Variants in IGSF9B observed in about 807,000 individuals in gnomAD.
IGSF9B encodes immunoglobulin superfamily member 9B.
A neutral mutation model predicts 143.7 loss-of-function variants in IGSF9B; 48 were observed. The ratio of observed to expected loss-of-function variants is 0.33; its 90% CI spans 0.26 to 0.42. The LOEUF is 0.42. Ranked by LOEUF, IGSF9B falls within the 20% of genes least tolerant of loss-of-function variation. IGSF9B has a pLI of 1.00. For missense variants in IGSF9B, 1,706 were observed against 1,980.0 expected, an observed-to-expected ratio of 0.86 and a Z score of 2.63; for synonymous variants, 903 against 833.1, an observed-to-expected ratio of 1.08 and a Z score of -1.44.
chr11:133,902,104 GCACA>G lies in IGSF9B; in HGVS notation c.*6961_*6964del, dbSNP rs745922626. Among the ~76,000 whole-genome samples, 3 of 119,648 alleles carry G rather than the reference GCACA, an allele frequency of 2.5e-5. No homozygotes were observed. Among genetic ancestry groups the G allele is most frequent in the Admixed American group, 8.8e-5 (1 of 11,376 alleles). The allele number at this position is 119,648 out of a possible 152,430, so 78.5% of individuals were successfully genotyped here. ...CCACATACAATACACAAAACACATAGCACACACACACACCACACACAGTCCATGT... is the reference window on the plus strand; with the variant it reads ...CCACATACAATACACAAAACACATAGCACACACACCACACACAGTCCATGT... On this transcript the variant is annotated 3_prime_UTR_variant, in exon 20 of 20. Transcript: ENST00000533871.
In IGSF9B at chr11:133,920,525, G is replaced by A; in HGVS notation, c.3200C>T (p.Pro1067Leu). 6.2e-7 allele frequency: 1 copy of A among 1,607,852 alleles called. No homozygotes were observed. Among genetic ancestry groups the A allele is most frequent in the Non-Finnish European group, 8.5e-7 (1 of 1,177,066 alleles). The change falls in exon 18 of 20, where the codon CCC (proline) becomes CTC (leucine). Residue 1067 changes from proline (P) to leucine (L), a missense_variant. Coordinates refer to ENST00000533871, the MANE Select transcript of IGSF9B (RefSeq NM_001277285.4). ...GCCGGCCTTGGGCTGCAGACTCTCG[G>A]GCACATCACAGGGTGGCAGCTGGTG... ...FPHQLPPCDV[P>L]ESLQPKAGLP... is the part of the protein sequence containing the mutation.
rs755824827 is a variant in IGSF9B, at chr11:133,948,347, T to C, written c.65-2089A>G. 1.3e-5 allele frequency among the ~76,000 whole-genome samples: 2 copies of C among 151,836 alleles called. No individual in the cohort carries two copies. The highest frequency in any genetic ancestry group is 2.9e-5 in the Non-Finnish European group (2 of 67,982). On this transcript the variant is annotated intron_variant, in intron 1 of 19. Coordinates refer to ENST00000533871, the MANE Select transcript of IGSF9B (RefSeq NM_001277285.4). The surrounding 1 kb of genome is among the most constrained non-coding windows in gnomAD (Gnocchi z 4.7). ...TAGAGAAAGAGCTAAGATCACAGAG[T>C]ATTTTTGGAGCAGAGCAGAGCATTG...
Position 133,919,913 on chromosome 11 carries a change from G to T in IGSF9B, c.3812C>A (p.Pro1271His). The T allele has an allele frequency of 6.4e-7, 1 of 1,569,200 alleles. No homozygotes were observed. The highest frequency in any genetic ancestry group is 8.6e-7 in the Non-Finnish European group (1 of 1,156,426). The change falls in exon 18 of 20, where the codon CCC (proline) becomes CAC (histidine). Residue 1271 changes from proline (P) to histidine (H), a missense_variant. This residue lies in a region of IGSF9B where 880 missense variants were observed against 762.9 expected (regional missense o/e 1.15). Transcript: ENST00000533871. ...GGCCAGAGTGGTGAAGCCCATGGCG[G>T]GCCGGTAGCTGGGACTCCCACTGCG... Reference protein sequence around the residue: ...SSRSGSPSYRPAMGFTTLATG... With the variant: ...SSRSGSPSYRHAMGFTTLATG...
At position 133,906,931 on chromosome 11, in the gene IGSF9B, C is replaced by T. The variant is rs1939218708; in HGVS notation, c.*2138G>A. ...GGCTCCCGTCATCCCCCAGGAGAGA[C>T]GCCCAAGTGAGCAGCACATCACGAC... On this transcript the variant is annotated 3_prime_UTR_variant, in exon 20 of 20. Coordinates refer to ENST00000533871, the MANE Select transcript of IGSF9B (RefSeq NM_001277285.4). Among the ~76,000 whole-genome samples the T allele has an allele frequency of 6.6e-6, 1 of 152,152 alleles. No individual in the cohort carries two copies. The highest frequency in any genetic ancestry group is 1.5e-5 in the Non-Finnish European group (1 of 68,036).
chr11:133,924,154 C>A (rs1336059537), intron 15 of IGSF9B, among the ~76,000 whole-genome samples: 2 of 152,080 alleles, frequency 1.3e-5, no homozygotes, highest in Non-Finnish European at 2.9e-5. Flanking sequence ...GAGCGGTGCC[C>A]AAGGAAATGA....
chr11:133,933,907 T>C (rs1328126258), intron 7 of IGSF9B, among the ~76,000 whole-genome samples: 2 of 152,042 alleles, frequency 1.3e-5, no homozygotes, highest in South Asian at 2.1e-4. Context: ...TTTTGAGCTC[T>C]TCAGAGAACA....
In IGSF9B at chr11:133,936,172, A is replaced by C; in HGVS notation, c.702T>G (p.Pro234=). Residue 234 remains proline (P), a synonymous_variant, in exon 6 of 20, where the codon CCT becomes CCG. Coordinates refer to ENST00000533871, the MANE Select transcript of IGSF9B (RefSeq NM_001277285.4). ...LVQGPPFIVS[P]PENITVNISQ... is the part of the protein sequence containing the mutation. ...AGATGTTGACGGTGATGTTCTCAGGAGGGGAGACGATGAAAGGGGGCCCTG... is the reference window on the plus strand; with the variant it reads ...AGATGTTGACGGTGATGTTCTCAGGCGGGGAGACGATGAAAGGGGGCCCTG... 1 of 1,611,264 alleles carries C rather than the reference A, an allele frequency of 6.2e-7. No homozygotes were observed. The highest frequency in any genetic ancestry group is 1.7e-5 in the Admixed American group (1 of 59,688).
chr11:133,915,463 G>C (rs1939364249), intron 18 of IGSF9B, among the ~76,000 whole-genome samples: 1 of 151,806 alleles, frequency 6.6e-6, no homozygotes, highest in South Asian at 2.1e-4. Context: ...CAGAGATGGG[G>C]CTTCACTATG....
At chr11:133,947,009 G>C (rs1410088647) in intron 1 of IGSF9B, among the ~76,000 whole-genome samples, 1 of 152,234 alleles carries the variant, frequency 6.6e-6, no homozygotes, top group African/African-American at 2.4e-5. Context: ...GCAGGATGCT[G>C]GCGACAGAGG....
intron 1 of IGSF9B, among the ~76,000 whole-genome samples, chr11:133,947,708 T>TCTCTCTC (rs1940079154): frequency 1.5e-5 from 2 of 134,800 alleles, no homozygotes; most frequent in Non-Finnish European, 3.2e-5. Context: ...TCTGTGTTTG[T>TCTCTCTC]TCTCTCTCTC....
At position 133,920,629 on chromosome 11, in the gene IGSF9B, T is replaced by G. The variant is rs536634479; in HGVS notation, c.3096A>C (p.Thr1032=). The G allele has an allele frequency of 2.0e-5, 33 of 1,613,440 alleles. No individual in the cohort carries two copies. Among genetic ancestry groups the G allele is most frequent in the Non-Finnish European group, 2.8e-5 (33 of 1,179,814 alleles). Residue 1032 remains threonine, a synonymous_variant, in exon 18 of 20, where the codon ACA becomes ACC. Coordinates refer to ENST00000533871, the MANE Select transcript of IGSF9B (RefSeq NM_001277285.4). The stretch of plus-strand genomic sequence containing the variant: ...CCCAGGGCTCAGGGGAGCGCCCTCC[T>G]GTAGGTGTCTGAGTCAAGGGCAGCG... ...NSTLPLTQTP[T]GGRSPEPWGR...
intron 17 of IGSF9B, among the ~76,000 whole-genome samples, chr11:133,921,924 T>C (rs762771720): frequency 6.6e-6 from 1 of 152,154 alleles, no homozygotes; most frequent in Non-Finnish European, 1.5e-5. Flanking sequence ...GAGAAACTGA[T>C]TACTGGCTAA....
At position 133,920,783 on chromosome 11, in the gene IGSF9B, G is replaced by A; in HGVS notation, c.2942C>T (p.Pro981Leu). ...SSSSPGEVEPPPFYVPEVGSP... is the reference protein window; with the variant it reads ...SSSSPGEVEPLPFYVPEVGSP... ...GCCCACTTCTGGCACGTAGAACGGG[G>A]GCGGCTCCACCTCCCCAGGGCTGCT... Residue 981 changes from proline to leucine, a missense_variant, in exon 18 of 20, where the codon CCC (proline) becomes CTC (leucine). Physicochemically the swap from Pro to Leu is moderately conservative, Grantham distance 98. Around this residue, in one of 7 missense-constraint regions of IGSF9B, gnomAD observed 880 missense variants for 762.9 expected, o/e 1.15. Coordinates refer to ENST00000533871, the MANE Select transcript of IGSF9B (RefSeq NM_001277285.4). The A allele has an allele frequency of 6.2e-7, 1 of 1,610,570 alleles. No homozygotes were observed. Among genetic ancestry groups the A allele is most frequent in the Non-Finnish European group, 8.5e-7 (1 of 1,178,596 alleles).
chr11:133,955,887 C>A (rs1433616532), intron 1 of IGSF9B, among the ~76,000 whole-genome samples: 1 of 152,122 alleles, frequency 6.6e-6, no homozygotes, highest in Non-Finnish European at 1.5e-5. Flanking sequence ...GGGACCCCCC[C>A]TTCCCCGCCC....
At chr11:133,951,158 C>A (rs1565452700) in intron 1 of IGSF9B, among the ~76,000 whole-genome samples, 1 of 152,180 alleles carries the variant, frequency 6.6e-6, no homozygotes, top group Non-Finnish European at 1.5e-5. Flanking sequence ...ACAGCGAACA[C>A]CCAGAAAGGA....
rs1939158425 is a variant in IGSF9B at position 133,902,690 on chromosome 11, AC to A, written c.*6378del. 6.6e-6 allele frequency among the ~76,000 whole-genome samples: 1 copy of A among 152,158 alleles called. No individual in the cohort carries two copies. Among genetic ancestry groups the A allele is most frequent in the Admixed American group, 6.5e-5 (1 of 15,276 alleles). ...TGGTGCCTGCAGAAGGACACATGAG[AC>A]AATCCCTTCTCCAGCCCTGCCAGGA... On this transcript the variant is annotated 3_prime_UTR_variant, in exon 20 of 20. Transcript: ENST00000533871.
intron 18 of IGSF9B, among the ~76,000 whole-genome samples, chr11:133,917,111 A>G (rs1242349885): frequency 6.6e-6 from 1 of 151,910 alleles, no homozygotes; most frequent in Non-Finnish European, 1.5e-5. Context: ...CTAGGGGGGG[A>G]AGGCACCTGT....
intron 13 of IGSF9B, among the ~76,000 whole-genome samples, chr11:133,926,255 A>G (rs1004727411): frequency 6.6e-6 from 1 of 152,210 alleles, no homozygotes; most frequent in African/African-American, 2.4e-5. Flanking sequence ...TTCTCACAGC[A>G]CAGCAGTCAC....
intron 1 of IGSF9B, among the ~76,000 whole-genome samples, chr11:133,950,444 A>C (rs1348723592): frequency 3.3e-5 from 5 of 152,174 alleles, no homozygotes; most frequent in Non-Finnish European, 4.4e-5. Flanking sequence ...AAAAATGAGC[A>C]AACGGGGAGT....
Sources: allele counts gnomAD v4.1 joint callset (sites outside exome capture counted in the v4.1 genomes callset), GRCh38; gene constraint gnomAD v4.1.1; regional missense constraint gnomAD v4.1.1; non-coding constraint Gnocchi (gnomAD v3.1); transcripts MANE v1.5; gene names NCBI Gene and HGNC (gene_info 2026-07-23, HGNC 2026-07-21).